NEK11: variants seen among roughly 807,000 people sequenced by gnomAD.
NEK11 encodes NIMA related kinase 11, also known as serine/threonine-protein kinase Nek11.
NEK11 carries 72 observed loss-of-function variants against 80.7 expected under a neutral mutation model. The observed-to-expected ratio is 0.89, with a 90% CI of 0.74 to 1.08. The LOEUF (loss-of-function observed/expected upper bound fraction) is 1.08. Ranked by LOEUF, NEK11 falls within the 50% of genes least tolerant of loss-of-function variation. The pLI is 0.00. For missense variants in NEK11, 764 were observed against 763.6 expected, an observed-to-expected ratio of 1.00 and a Z score of -0.01; for synonymous variants, 251 against 260.7, an observed-to-expected ratio of 0.96 and a Z score of 0.36.
At chr3:131,288,449 T>TCTTTCTTG (rs2096500032) in intron 17 of NEK11, among the ~76,000 whole-genome samples, 1 of 87,500 alleles carries the variant, frequency 1.1e-5, no homozygotes, top group African/African-American at 5.8e-5. Context: ...TTTCTTTCTT[T>TCTTTCTTG]CTTTTTTTTT....
chr3:131,149,295 T>C (rs1387225295), intron 7 of NEK11, among the ~76,000 whole-genome samples: 2 of 152,130 alleles, frequency 1.3e-5, no homozygotes, highest in Non-Finnish European at 2.9e-5. Context: ...TCCATGTTGC[T>C]GCAAAGGACA....
At chr3:131,203,946 T>G (rs2094360561) in intron 14 of NEK11, among the ~76,000 whole-genome samples, 1 of 151,526 alleles carries the variant, frequency 6.6e-6, no homozygotes, top group South Asian at 2.1e-4. Context: ...AACTCTAATC[T>G]GATTGTGAGT....
At chr3:131,296,715 G>C (rs561411739) in intron 17 of NEK11, among the ~76,000 whole-genome samples, 5 of 152,016 alleles carry the variant, frequency 3.3e-5, no homozygotes, top group African/African-American at 1.2e-4. Flanking sequence ...CAACGTGCAG[G>C]TTAGTTACAT....
At chr3:131,319,852 A>T (rs1311601023) in intron 17 of NEK11, among the ~76,000 whole-genome samples, 1 of 151,436 alleles carries the variant, frequency 6.6e-6, no homozygotes, top group Non-Finnish European at 1.5e-5. Flanking sequence ...CTCTGAAAAC[A>T]TTTTTTTTTA....
intron 14 of NEK11, among the ~76,000 whole-genome samples, chr3:131,214,508 A>G (rs1490010172): frequency 6.6e-6 from 1 of 152,174 alleles, no homozygotes; most frequent in Non-Finnish European, 1.5e-5. Context: ...AGAAAAGACA[A>G]ATGTTACCTT....
chr3:131,281,487 T>G (rs935142995), intron 17 of NEK11, among the ~76,000 whole-genome samples: 3 of 152,118 alleles, frequency 2.0e-5, no homozygotes, highest in African/African-American at 7.2e-5. Flanking sequence ...GTACTATTGT[T>G]TATTCAACCT....
intron 5 of NEK11, among the ~76,000 whole-genome samples, chr3:131,110,228 C>A (rs2079884891): frequency 6.6e-6 from 1 of 152,068 alleles, no homozygotes; most frequent in African/African-American, 2.4e-5. Context: ...TTCTCAGAAA[C>A]CTTTGGCATC....
chr3:131,216,362 G>A (rs1460854107), intron 14 of NEK11, among the ~76,000 whole-genome samples: 1 of 152,194 alleles, frequency 6.6e-6, no homozygotes, highest in Non-Finnish European at 1.5e-5. Context: ...GGTCTTGCCT[G>A]CCAAACTTAA....
At chr3:131,266,664 G>T (rs1165540351) in intron 16 of NEK11, among the ~76,000 whole-genome samples, 1 of 152,208 alleles carries the variant, frequency 6.6e-6, no homozygotes, top group African/African-American at 2.4e-5. Flanking sequence ...ATGTGGTGCT[G>T]AGAAGAATGT....
chr3:131,180,483 T>G (rs1288100090), intron 14 of NEK11, among the ~76,000 whole-genome samples: 2 of 152,246 alleles, frequency 1.3e-5, no homozygotes, highest in African/African-American at 4.8e-5. Flanking sequence ...TTTCTTCATA[T>G]TCTATCATAA....
chr3:131,055,122 A>G (rs924040462), intron 3 of NEK11, among the ~76,000 whole-genome samples: 6 of 152,162 alleles, frequency 3.9e-5, no homozygotes, highest in African/African-American at 1.4e-4. Context: ...TGTCACTTTG[A>G]TTTGAAGACC....
At chr3:131,075,147 G>T (rs73869506) in intron 3 of NEK11, among the ~76,000 whole-genome samples, 7,012 of 152,158 alleles carry the variant, frequency 0.046, 452 homozygotes, top group African/African-American at 0.14. Flanking sequence ...CTACATGTTT[G>T]TGATCGGGGT....
intron 14 of NEK11, among the ~76,000 whole-genome samples, chr3:131,185,487 A>AT (rs1217480663): frequency 1.1e-4 from 17 of 152,158 alleles, no homozygotes; most frequent in Admixed American, 2.6e-4. Context: ...AAGATTTCCC[A>AT]TAGAGGAATC....
At chr3:131,113,910 CA>C (rs35868059) in intron 5 of NEK11, among the ~76,000 whole-genome samples, 58,088 of 101,598 alleles carry the variant, frequency 0.57, 13,432 homozygotes, top group Middle Eastern at 0.71. Flanking sequence ...GACTCCCTCT[CA>C]AAAAAAAAAA....
chr3:131,143,058 A>G (rs2087309835), intron 7 of NEK11, among the ~76,000 whole-genome samples: 1 of 152,212 alleles, frequency 6.6e-6, no homozygotes, highest in Non-Finnish European at 1.5e-5. Flanking sequence ...TCTTTAAAAA[A>G]TTCAGCTCAT....
intron 5 of NEK11, among the ~76,000 whole-genome samples, chr3:131,132,099 TG>T (rs2084592421): frequency 6.6e-6 from 1 of 152,112 alleles, no homozygotes; most frequent in Non-Finnish European, 1.5e-5. Flanking sequence ...TAATGTTTTA[TG>T]GCCTAGAATG....
chr3:131,246,099 CAA>C (rs1297918228), intron 16 of NEK11, among the ~76,000 whole-genome samples: 1 of 151,910 alleles, frequency 6.6e-6, no homozygotes, highest in African/African-American at 2.4e-5. Context: ...TTTCTTTAAA[CAA>C]AAAAATTTTT....
At chr3:131,188,129 G>A (rs1579834742) in intron 14 of NEK11, among the ~76,000 whole-genome samples, 1 of 152,262 alleles carries the variant, frequency 6.6e-6, no homozygotes, top group South Asian at 2.1e-4. Context: ...GTGTGTAGTT[G>A]TGTAATGAGC....
At chr3:131,042,134 A>AGTTT (rs2066596031) in intron 3 of NEK11, among the ~76,000 whole-genome samples, 11 of 152,106 alleles carry the variant, frequency 7.2e-5, no homozygotes, top group Non-Finnish European at 1.6e-4. Context: ...CCTACACCAC[A>AGTTT]AGCGCCCTGG....
Sources: allele counts gnomAD v4.1 joint callset (sites outside exome capture counted in the v4.1 genomes callset), GRCh38; gene constraint gnomAD v4.1.1; transcripts MANE v1.5; gene names NCBI Gene and HGNC (gene_info 2026-07-23, HGNC 2026-07-21).